NELL1: variants seen among roughly 807,000 people sequenced by gnomAD.
NELL1 encodes protein kinase C-binding protein NELL1.
Under a neutral mutation model 107.4 loss-of-function variants are expected in NELL1, and 76 were observed. The observed-to-expected ratio is 0.71, with a 90% CI of 0.59 to 0.86. NELL1 has a LOEUF of 0.86. NELL1 is among the 40% of genes least tolerant of loss of function. NELL1 has a pLI of 0.00. For synonymous variants in NELL1, 353 were observed against 341.2 expected, an observed-to-expected ratio of 1.03 and a Z score of -0.38; for missense variants, 1,024 against 1,005.5, an observed-to-expected ratio of 1.02 and a Z score of -0.25.
At chr11:21,113,803 G>T in intron 13 of NELL1, 89 bp downstream of exon 13, 1 of 1,360,734 alleles carries the variant, frequency 7.3e-7, no homozygotes, top group South Asian at 1.5e-5. Flanking sequence ...AGTGCACAAA[G>T]TACTATTTTT....
chr11:21,328,601 G>T (rs1305563279), intron 14 of NELL1, among the ~76,000 whole-genome samples: 1 of 152,070 alleles, frequency 6.6e-6, no homozygotes, highest in African/African-American at 2.4e-5. Context: ...CTCCAGAATG[G>T]TATATCCACC....
chr11:20,875,080 G>A (rs1241232160), intron 4 of NELL1, among the ~76,000 whole-genome samples: 1 of 152,130 alleles, frequency 6.6e-6, no homozygotes, highest in African/African-American at 2.4e-5. Context: ...AATAAAATGA[G>A]ATAATTACTT....
intron 12 of NELL1, among the ~76,000 whole-genome samples, chr11:21,108,002 G>A (rs527443364): frequency 2.6e-5 from 4 of 152,294 alleles, no homozygotes; most frequent in East Asian, 3.9e-4. Context: ...CACTCTACAC[G>A]TAGTATCCGA....
intron 17 of NELL1, among the ~76,000 whole-genome samples, chr11:21,570,167 T>C (rs865803789): frequency 6.6e-6 from 1 of 151,844 alleles, no homozygotes; most frequent in South Asian, 2.1e-4. Flanking sequence ...CACCTTATTA[T>C]ACACCCCTGT....
rs890541590 is a variant in NELL1, at chr11:20,992,322, G to A, written c.1300+31762G>A. ...CGTTACATATTTCACTGCTGTCCAGGATGCTGGATGCTAGGATTTGCAGTC... is the reference window on the plus strand; with the variant it reads ...CGTTACATATTTCACTGCTGTCCAGAATGCTGGATGCTAGGATTTGCAGTC... On this transcript the variant is annotated intron_variant, in intron 12 of 19. Coordinates refer to ENST00000357134, the MANE Select transcript of NELL1 (RefSeq NM_006157.5). 2.0e-5 allele frequency among the ~76,000 whole-genome samples: 3 copies of A among 152,194 alleles called. No homozygotes were observed. In the South Asian group the frequency reaches 6.2e-4, roughly 32 times the overall value.
At chr11:20,806,308 T>C (rs1857384286) in intron 3 of NELL1, among the ~76,000 whole-genome samples, 1 of 151,752 alleles carries the variant, frequency 6.6e-6, no homozygotes, top group East Asian at 1.9e-4. Flanking sequence ...TTGCCAGATA[T>C]ACTATTCCAG....
intron 3 of NELL1, among the ~76,000 whole-genome samples, chr11:20,814,152 C>CCGT (rs369194382): frequency 2.0e-5 from 3 of 151,544 alleles, no homozygotes; most frequent in African/African-American, 7.3e-5. Flanking sequence ...CACACCGCCA[C>CCGT]GCCCGGCTAA....
At chr11:21,517,525 C>A (rs1228627462) in intron 15 of NELL1, among the ~76,000 whole-genome samples, 1 of 152,098 alleles carries the variant, frequency 6.6e-6, no homozygotes, top group South Asian at 2.1e-4. Context: ...GATTGCTTGC[C>A]TGGATTCTGT....
At position 20,979,442 on chromosome 11, in the gene NELL1, T is replaced by C. The variant is rs58216702; in HGVS notation, c.1300+18882T>C. On this transcript the variant is annotated intron_variant, in intron 12 of 19. Transcript: ENST00000357134. ...CTACTGGGCCTACCCCCATGTTATCTTCCATGTAAATAGCATGTTTTATGA... is the reference window on the plus strand; with the variant it reads ...CTACTGGGCCTACCCCCATGTTATCCTCCATGTAAATAGCATGTTTTATGA... Among the ~76,000 whole-genome samples the C allele has an allele frequency of 5.5e-3, 845 of 152,294 alleles. 11 individuals carry two copies. The highest frequency in any genetic ancestry group is 0.019 in the African/African-American group (801 of 41,578).
intron 15 of NELL1, among the ~76,000 whole-genome samples, chr11:21,454,532 A>G (rs1320001874): frequency 1.3e-5 from 2 of 152,172 alleles, no homozygotes; most frequent in African/African-American, 2.4e-5. Flanking sequence ...ATATATTATT[A>G]GTTTTATTTT....
chr11:20,703,897 A>T (rs1036403138), intron 2 of NELL1, among the ~76,000 whole-genome samples: 1 of 152,078 alleles, frequency 6.6e-6, no homozygotes, highest in African/African-American at 2.4e-5. Flanking sequence ...ATTCTTTTAC[A>T]TTTGCTGAGG....
At chr11:20,900,531 A>G (rs1404548801) in intron 5 of NELL1, among the ~76,000 whole-genome samples, 1 of 152,126 alleles carries the variant, frequency 6.6e-6, no homozygotes, top group Non-Finnish European at 1.5e-5. Context: ...GGGGAGTTGT[A>G]GCACACATCC....
chr11:20,772,508 T>A (rs1275703226), intron 2 of NELL1, among the ~76,000 whole-genome samples: 1 of 152,202 alleles, frequency 6.6e-6, no homozygotes, highest in East Asian at 1.9e-4. Flanking sequence ...TATATGAATA[T>A]GCTTAGAAAA....
chr11:20,752,766 A>G (rs1041051360), intron 2 of NELL1, among the ~76,000 whole-genome samples: 2 of 152,244 alleles, frequency 1.3e-5, no homozygotes, highest in African/African-American at 4.8e-5. Context: ...TTTTCTCTGT[A>G]AAATAAAGTT....
intron 3 of NELL1, among the ~76,000 whole-genome samples, chr11:20,816,843 A>G (rs978822166): frequency 1.2e-4 from 18 of 152,094 alleles, no homozygotes; most frequent in Non-Finnish European, 4.4e-5. Context: ...AAAGGTTTTC[A>G]TTATGAAGAG....
At chr11:20,716,225 G>A (rs1200936446) in intron 2 of NELL1, among the ~76,000 whole-genome samples, 1 of 152,210 alleles carries the variant, frequency 6.6e-6, no homozygotes, top group East Asian at 1.9e-4. Context: ...ACGTGCCTGG[G>A]GACCCAAGCT....
chr11:21,011,824 G>A (rs753596131), intron 12 of NELL1, among the ~76,000 whole-genome samples: 53 of 151,964 alleles, frequency 3.5e-4, no homozygotes, highest in Non-Finnish European at 7.1e-4. Context: ...TTTGTTCCTC[G>A]CCTCCACCAC....
rs367689409 is a variant in NELL1, at chr11:21,363,836, A to G, written c.1550-7017A>G. On this transcript the variant is annotated intron_variant, in intron 14 of 19. Transcript: ENST00000357134. Reference sequence around the variant, plus strand: ...TGCAAAAAATGTGATCTTAGTCCCTAAGAATCTCACAGTCTGGTTAGAGAA... The same window carrying G: ...TGCAAAAAATGTGATCTTAGTCCCTGAGAATCTCACAGTCTGGTTAGAGAA... Among the ~76,000 whole-genome samples the G allele has an allele frequency of 1.5e-3, 232 of 152,284 alleles. 8 individuals are homozygous for G. The South Asian group carries it at 0.045, about 30-fold the overall frequency.
intron 14 of NELL1, among the ~76,000 whole-genome samples, chr11:21,359,577 C>T (rs763018698): frequency 6.6e-6 from 1 of 151,996 alleles, no homozygotes; most frequent in South Asian, 2.1e-4. Flanking sequence ...GAGATTGGTA[C>T]CAATTCTTCT....
Sources: gnomAD v4.1 joint callset for allele counts (sites outside exome capture counted in the v4.1 genomes callset) on GRCh38, gnomAD v4.1.1 for gene constraint, MANE v1.5 for transcripts, NCBI Gene and HGNC (gene_info 2026-07-23, HGNC 2026-07-21) for gene names.